AKAP11: variants seen among roughly 807,000 people sequenced by gnomAD.
AKAP11 encodes the protein A-kinase anchoring protein 11.
A neutral mutation model predicts 146.1 loss-of-function variants in AKAP11; 36 were observed. The observed-to-expected ratio is 0.25, with a 90% CI of 0.19 to 0.33. The LOEUF (loss-of-function observed/expected upper bound fraction) is 0.33. AKAP11 is among the 10% of genes least tolerant of loss of function. AKAP11 has a pLI of 1.00. For synonymous variants in AKAP11, 780 were observed against 786.5 expected (o/e 0.99, Z 0.14); for missense variants, 2,201 against 2,197.0 (o/e 1.00, Z -0.04).
chr13:42,291,313 C>T (rs1010485311), intron 3 of AKAP11, among the ~76,000 whole-genome samples: 2 of 152,096 alleles, frequency 1.3e-5, no homozygotes, highest in Non-Finnish European at 2.9e-5. Flanking sequence ...AGTGCAGTGG[C>T]GCAGTCTCAG....
Position 42,301,039 on chromosome 13 carries a change from A to G in AKAP11, c.2293A>G (p.Thr765Ala). The G allele has an allele frequency of 6.2e-7, 1 of 1,614,156 alleles. No individual in the cohort carries two copies. The highest frequency in any genetic ancestry group is 8.5e-7 in the Non-Finnish European group (1 of 1,179,970). The change falls in exon 8 of 13, where the codon ACA becomes GCA. Residue 765 changes from threonine to alanine, a missense_variant. Coordinates refer to ENST00000025301, the MANE Select transcript of AKAP11 (RefSeq NM_016248.4). ...AGTGCAGGAATATAAAAAGGAATAC[A>G]CAGTGCAGCAGGCCTTGTTTTGTAC... is the stretch of plus-strand genomic sequence containing the variant. ...KPVQEYKKEY[T>A]VQQALFCTSG... is the part of the protein sequence containing the mutation.
At chr13:42,304,154 A>T (rs543508942) in intron 8 of AKAP11, among the ~76,000 whole-genome samples, 1 of 152,342 alleles carries the variant, frequency 6.6e-6, no homozygotes, top group Admixed American at 6.5e-5. Flanking sequence ...GGTAAAGTTG[A>T]ATTAAATAAA....
intron 9 of AKAP11, among the ~76,000 whole-genome samples, chr13:42,311,633 A>G (rs1450840928): frequency 6.6e-6 from 1 of 151,964 alleles, no homozygotes; most frequent in Non-Finnish European, 1.5e-5. Context: ...TAGGTGATGG[A>G]TTTTATTAAG....
chr13:42,287,738 T>TA (rs1256218927), intron 3 of AKAP11, among the ~76,000 whole-genome samples: 1 of 152,250 alleles, frequency 6.6e-6, no homozygotes, highest in Non-Finnish European at 1.5e-5. Flanking sequence ...TTTTTCAGAT[T>TA]AGCAACTAGA....
In AKAP11 at chr13:42,303,578, C is replaced by G; in HGVS notation, c.4832C>G (p.Ser1611Cys). ...NSSQHFFRQG[S>C]LASSKPASNP... is the part of the protein sequence containing the mutation. Reference sequence around the variant, plus strand: ...TCTCAGCACTTTTTCAGACAGGGTTCTCTCGCCAGTAGTAAGCCAGCTTCT... The same window carrying G: ...TCTCAGCACTTTTTCAGACAGGGTTGTCTCGCCAGTAGTAAGCCAGCTTCT... Residue 1611 changes from serine (S) to cysteine (C), a missense_variant, in exon 8 of 13, where the codon TCT (serine) becomes TGT (cysteine). Coordinates refer to ENST00000025301, the MANE Select transcript of AKAP11 (RefSeq NM_016248.4). The G allele has an allele frequency of 6.2e-7, 1 of 1,614,218 alleles. No individual in the cohort carries two copies. Among genetic ancestry groups the G allele is most frequent in the Non-Finnish European group, 8.5e-7 (1 of 1,180,028 alleles).
Position 42,303,612 on chromosome 13 carries a change from A to G in AKAP11, c.4866A>G (p.Lys1622=), listed in dbSNP as rs765823119. The part of the protein sequence containing the change: ...LASSKPASNP[K]FSSRYQKSRI... Reference sequence around the variant, plus strand: ...GTAGTAAGCCAGCTTCTAATCCAAAATTTAGCAGCCGCTATCAGAAATCTA... The same window carrying G: ...GTAGTAAGCCAGCTTCTAATCCAAAGTTTAGCAGCCGCTATCAGAAATCTA... The change falls in exon 8 of 13, where the codon AAA becomes AAG. Residue 1622 remains lysine, a synonymous_variant. Transcript: ENST00000025301. The G allele has an allele frequency of 1.9e-6, 3 of 1,614,198 alleles. No individual in the cohort carries two copies. The highest frequency in any genetic ancestry group is 1.7e-6 in the Non-Finnish European group (2 of 1,180,028).
chr13:42,284,626 C>A (rs949235276), intron 1 of AKAP11, among the ~76,000 whole-genome samples: 1 of 152,078 alleles, frequency 6.6e-6, no homozygotes, highest in African/African-American at 2.4e-5. Flanking sequence ...TCTTCTTTTG[C>A]CTGTGTTTTA....
chr13:42,288,568 A>G (rs912140370), intron 3 of AKAP11, among the ~76,000 whole-genome samples: 6 of 152,196 alleles, frequency 3.9e-5, no homozygotes, highest in Non-Finnish European at 4.4e-5. Flanking sequence ...ATTCCCATAT[A>G]TCTAATACTC....
rs9533063 is a variant in AKAP11, at chr13:42,319,850, C to T, written c.*622C>T. On this transcript the variant is annotated 3_prime_UTR_variant, in exon 13 of 13. Coordinates refer to ENST00000025301, the MANE Select transcript of AKAP11 (RefSeq NM_016248.4). ...CTATAAACACTATAAGTGATAGTTT[C>T]CCCCATCCTTTCATTGACATTATTT... The T allele has an allele frequency of 0.12, 18,816 of 152,128 alleles. 1,315 individuals carry two copies. The highest frequency in any genetic ancestry group is 0.17 in the South Asian group (818 of 4,794). The allele number at this position is 152,128 out of a possible 1,614,324, so 9.4% of individuals were successfully genotyped here.
In AKAP11 at chr13:42,300,142, T is replaced by C. The variant is rs1959774184; in HGVS notation, c.1396T>C (p.Cys466Arg). 2 of 1,613,872 alleles carry C rather than the reference T, an allele frequency of 1.2e-6. No individual in the cohort carries two copies. Among genetic ancestry groups the C allele is most frequent in the Admixed American group, 3.3e-5 (2 of 59,998 alleles). Reference protein sequence around the residue: ...SPLGGCTPAECFCQTDIGGDR... With the variant: ...SPLGGCTPAERFCQTDIGGDR... ...TCTTGGAGGCTGTACTCCAGCTGAATGTTTTTGCCAAACAGATATTGGTGG... is the reference window on the plus strand; with the variant it reads ...TCTTGGAGGCTGTACTCCAGCTGAACGTTTTTGCCAAACAGATATTGGTGG... Residue 466 changes from cysteine (C) to arginine (R), a missense_variant, in exon 8 of 13, where the codon TGT becomes CGT. Physicochemically the swap from Cys to Arg is radical, Grantham distance 180 (BLOSUM62 -3). Transcript: ENST00000025301.
intron 1 of AKAP11, among the ~76,000 whole-genome samples, chr13:42,285,676 G>A (rs917736245): frequency 6.6e-6 from 1 of 152,326 alleles, no homozygotes; most frequent in African/African-American, 2.4e-5. Context: ...ACTTAGTTTT[G>A]AGTGTTTCAC....
In AKAP11 at chr13:42,287,376, T is replaced by C. The variant is rs995154592; in HGVS notation, c.51+977T>C. ...TTGGCTTACTGCAAGCTCTGACTCC[T>C]GGGTTCATGCCATTCTCCTGCCTCA... On this transcript the variant is annotated intron_variant, in intron 3 of 12. Coordinates refer to ENST00000025301, the MANE Select transcript of AKAP11 (RefSeq NM_016248.4). 2.0e-5 allele frequency among the ~76,000 whole-genome samples: 3 copies of C among 152,068 alleles called. No individual in the cohort carries two copies. The South Asian group carries it at 6.2e-4, about 32-fold the overall frequency.
intron 1 of AKAP11, among the ~76,000 whole-genome samples, chr13:42,280,857 A>G (rs915344173): frequency 3.3e-5 from 5 of 152,190 alleles, no homozygotes; most frequent in Non-Finnish European, 7.3e-5. Context: ...GAGAATGACA[A>G]GTCAGGATTT....
chr13:42,279,728 C>G (rs1260132978), intron 1 of AKAP11, among the ~76,000 whole-genome samples: 1 of 151,912 alleles, frequency 6.6e-6, no homozygotes, highest in Admixed American at 6.6e-5. Context: ...TTTTTCTCTT[C>G]CTTTGCATGC....
intron 8 of AKAP11, 121 bp from the exon 9 acceptor site, chr13:42,308,333 T>C (rs1358610846): frequency 1.3e-6 from 1 of 784,456 alleles, no homozygotes; most frequent in Non-Finnish European, 2.0e-6. Context: ...CATGAGCCAC[T>C]GGTCTGATTC....
In AKAP11 at chr13:42,303,666, T is replaced by C. The variant is rs534632363; in HGVS notation, c.4920T>C (p.Ile1640=). The part of the protein sequence containing the change: ...SRIFHLSVPQ[I]HVNLDKKAVL... ...TTTTTCATCTCAGTGTCCCTCAGAT[T>C]CATGTTAATCTTGATAAGAAGGCAG... Residue 1640 remains isoleucine (I), a synonymous_variant, in exon 8 of 13, where the codon ATT becomes ATC. Coordinates refer to ENST00000025301, the MANE Select transcript of AKAP11 (RefSeq NM_016248.4). 14 of 1,614,132 alleles carry C rather than the reference T, an allele frequency of 8.7e-6. No individual in the cohort carries two copies. The South Asian group carries it at 9.9e-5, about 11-fold the overall frequency.
Position 42,299,795 on chromosome 13 carries a change from C to T in AKAP11, c.1049C>T (p.Ser350Leu). The T allele has an allele frequency of 1.2e-6, 2 of 1,613,776 alleles. No homozygotes were observed. The highest frequency in any genetic ancestry group is 1.7e-6 in the Non-Finnish European group (2 of 1,179,850). ...AAAGATGATATAGAGGATTCAGACT[C>T]AGAAGTAAGTGAATTTTTTGATAGT... ...VMKDDIEDSD[S>L]EVSEFFDSFD... Residue 350 changes from serine (S) to leucine (L), a missense_variant, in exon 8 of 13, where the codon TCA (serine) becomes TTA (leucine). By Grantham distance (145) the Ser-to-Leu change is moderately radical. Transcript: ENST00000025301.
At chr13:42,297,403 G>A (rs1594326318) in intron 6 of AKAP11, among the ~76,000 whole-genome samples, 1 of 151,826 alleles carries the variant, frequency 6.6e-6, no homozygotes, top group South Asian at 2.1e-4. Context: ...TAACTGTGAA[G>A]TTCCGTAGAT....
At chr13:42,308,677 A>C in intron 9 of AKAP11, 68 bp downstream of exon 9, 1 of 1,226,980 alleles carries the variant, frequency 8.2e-7, no homozygotes, top group Non-Finnish European at 1.1e-6. Context: ...CTATAAATTT[A>C]CATTATTATT....
Sources: gnomAD v4.1 joint callset for allele counts (sites outside exome capture counted in the v4.1 genomes callset) on GRCh38, gnomAD v4.1.1 for gene constraint, MANE v1.5 for transcripts, NCBI Gene and HGNC (gene_info 2026-07-23, HGNC 2026-07-21) for gene names.